The following GTF2F2 variants were observed in gnomAD, a reference collection of about 807,000 sequenced individuals.
GTF2F2 encodes ATP-dependent helicase GTF2F2.
Under a neutral mutation model 42.2 loss-of-function variants are expected in GTF2F2, and 23 were observed. That is an observed-to-expected ratio of 0.55 (90% CI 0.39 to 0.77). The LOEUF (loss-of-function observed/expected upper bound fraction) is 0.77, where lower values mean the gene tolerates loss of function less well. Among genes scored for constraint, GTF2F2 ranks in the 30% least tolerant of loss-of-function variants. GTF2F2 has a pLI of 0.00. For synonymous variants in GTF2F2, 105 were observed against 100.8 expected (o/e 1.04, Z -0.25); for missense variants, 261 against 287.2 (o/e 0.91, Z 0.66).
chr13:45,281,058 C>T (rs762338733), intron 7 of GTF2F2, among the ~76,000 whole-genome samples: 5 of 152,222 alleles, frequency 3.3e-5, no homozygotes, highest in Non-Finnish European at 7.3e-5. Context: ...AGTTTATGAA[C>T]AGTGTCCTGT....
intron 1 of GTF2F2, chr13:45,123,865 C>T (rs1868822997): frequency 3.2e-6 from 1 of 316,388 alleles, no homozygotes; most frequent in Admixed American, 4.5e-5. Context: ...GCTCCCTAGG[C>T]CCCTCCCTCT....
chr13:45,245,221 G>T (rs1396546741), intron 5 of GTF2F2, among the ~76,000 whole-genome samples: 1 of 152,162 alleles, frequency 6.6e-6, no homozygotes, highest in South Asian at 2.1e-4. Flanking sequence ...CAGTTTTACA[G>T]AGATGTAGTC....
At chr13:45,261,985 C>T (rs1364822775) in intron 6 of GTF2F2, among the ~76,000 whole-genome samples, 1 of 152,114 alleles carries the variant, frequency 6.6e-6, no homozygotes, top group Non-Finnish European at 1.5e-5. Flanking sequence ...TTATTTAAAT[C>T]CCCTTCGATA....
chr13:45,130,981 G>A (rs1013544852), intron 1 of GTF2F2, among the ~76,000 whole-genome samples: 63 of 152,262 alleles, frequency 4.1e-4, no homozygotes, highest in African/African-American at 1.4e-3. Context: ...GGCTGGGCAC[G>A]GTGGCCTATG....
rs998531408 is a variant in GTF2F2 at position 45,231,233 on chromosome 13, G to A, written c.387-21638G>A. Reference sequence around the variant, plus strand: ...AGCAATTCTTCTCCCTCAGCCTCCCGAGTAGCTGGGACTACAGGCGTATGC... The same window carrying A: ...AGCAATTCTTCTCCCTCAGCCTCCCAAGTAGCTGGGACTACAGGCGTATGC... On this transcript the variant is annotated intron_variant, in intron 5 of 7. Coordinates refer to ENST00000340473, the MANE Select transcript of GTF2F2 (RefSeq NM_004128.3). 8.6e-5 allele frequency among the ~76,000 whole-genome samples: 13 copies of A among 151,880 alleles called. No individual in the cohort carries two copies. In the East Asian group the frequency reaches 1.2e-3, roughly 14 times the overall value.
chr13:45,162,539 C>T (rs1000464963), intron 4 of GTF2F2, among the ~76,000 whole-genome samples: 1 of 152,222 alleles, frequency 6.6e-6, no homozygotes, highest in African/African-American at 2.4e-5. Context: ...TTACTGCCAA[C>T]TGCCTGAGCC....
chr13:45,133,006 G>T (rs1344585725), intron 1 of GTF2F2, among the ~76,000 whole-genome samples: 1 of 152,120 alleles, frequency 6.6e-6, no homozygotes, highest in Non-Finnish European at 1.5e-5. Context: ...TCCTTCAGCT[G>T]CTCAGGTGCA....
intron 7 of GTF2F2, among the ~76,000 whole-genome samples, chr13:45,277,442 A>G (rs1263866085): frequency 6.6e-6 from 1 of 152,194 alleles, no homozygotes; most frequent in Admixed American, 6.5e-5. Context: ...CTCACTCACT[A>G]TCTCGAGGAT....
chr13:45,247,388 G>GT (rs919778548), intron 5 of GTF2F2, among the ~76,000 whole-genome samples: 7 of 151,248 alleles, frequency 4.6e-5, no homozygotes, highest in South Asian at 2.1e-4. Context: ...CAGATACCTG[G>GT]TTTTTTTGTT....
chr13:45,170,180 C>T (rs1415195321), intron 4 of GTF2F2, among the ~76,000 whole-genome samples: 3 of 152,180 alleles, frequency 2.0e-5, no homozygotes, highest in Admixed American at 2.0e-4. Flanking sequence ...TATACCACCA[C>T]ACCCAGCTAA....
rs372901327 is a variant in GTF2F2, at chr13:45,228,283, C to CTTTTTTTTTTTTTTTTTTTTT, written c.386+20794_386+20795insTTTTTTTTTTTTTTTTTTTTT. On this transcript the variant is annotated intron_variant, in intron 5 of 7. Coordinates refer to ENST00000340473, the MANE Select transcript of GTF2F2 (RefSeq NM_004128.3). Reference sequence around the variant, plus strand: ...TTTCCTTATTGCTGCCAGAGTTAATCTTTTTTTTTTTTTTTTGGAGACGGA... The same window carrying CTTTTTTTTTTTTTTTTTTTTT: ...TTTCCTTATTGCTGCCAGAGTTAATCTTTTTTTTTTTTTTTTTTTTTTTTTTTTTTTTTTTTTGGAGACGGA... 4.2e-4 allele frequency among the ~76,000 whole-genome samples: 39 copies of CTTTTTTTTTTTTTTTTTTTTT among 92,708 alleles called. 4 individuals are homozygous for CTTTTTTTTTTTTTTTTTTTTT. The highest frequency in any genetic ancestry group is 1.4e-3 in the African/African-American group (24 of 17,632). 60.8% of individuals were successfully genotyped at this position (92,708 alleles called of 152,430 possible). A position where few individuals can be genotyped will look rare whatever the true frequency, so the allele number is the denominator to read the frequency against.
intron 4 of GTF2F2, among the ~76,000 whole-genome samples, chr13:45,188,466 T>C (rs542935430): frequency 6.6e-6 from 1 of 152,280 alleles, no homozygotes; most frequent in Admixed American, 6.5e-5. Flanking sequence ...AATGTAAATG[T>C]GCATTTTGGG....
At chr13:45,239,325 A>G (rs974181606) in intron 5 of GTF2F2, among the ~76,000 whole-genome samples, 1 of 152,256 alleles carries the variant, frequency 6.6e-6, no homozygotes, top group Admixed American at 6.5e-5. Flanking sequence ...AGATATTTAT[A>G]TTTTGGACTG....
chr13:45,264,316 C>G (rs928829605), intron 6 of GTF2F2, among the ~76,000 whole-genome samples: 1 of 150,708 alleles, frequency 6.6e-6, no homozygotes, highest in South Asian at 2.1e-4. Flanking sequence ...CAGAGTCACT[C>G]TGTTGCTGAG....
At chr13:45,127,798 AATTTTTGT>A (rs1869104969) in intron 1 of GTF2F2, among the ~76,000 whole-genome samples, 1 of 151,486 alleles carries the variant, frequency 6.6e-6, no homozygotes, top group Admixed American at 6.6e-5. Flanking sequence ...ACGCCCAGCT[AATTTTTGT>A]ATTTTTGGTA....
intron 4 of GTF2F2, chr13:45,192,835 A>G (rs1872714141): frequency 6.6e-6 from 1 of 152,180 alleles, no homozygotes; most frequent in Non-Finnish European, 1.5e-5. Context: ...TTGAAAAATG[A>G]ACAGATACTT....
intron 1 of GTF2F2, among the ~76,000 whole-genome samples, chr13:45,135,864 A>G (rs1319604374): frequency 6.6e-6 from 1 of 152,236 alleles, no homozygotes; most frequent in Non-Finnish European, 1.5e-5. Flanking sequence ...TTTACTCCTA[A>G]TAATAGGATA....
intron 4 of GTF2F2, among the ~76,000 whole-genome samples, chr13:45,171,770 A>G (rs1048110720): frequency 3.3e-5 from 5 of 151,172 alleles, no homozygotes; most frequent in Middle Eastern, 3.4e-3. Context: ...TCTCACCCCA[A>G]CCTCCCACGC....
intron 5 of GTF2F2, among the ~76,000 whole-genome samples, chr13:45,228,283 C>CCTTTTTTTTTTTTTTTTTTTTTTT (rs1874468398): frequency 1.1e-5 from 1 of 92,708 alleles, no homozygotes; most frequent in Non-Finnish European, 2.1e-5. Context: ...CAGAGTTAAT[C>CCTTTTTTTTTTTTTTTTTTTTTTT]TTTTTTTTTT....
Sources: gnomAD v4.1 joint callset for allele counts (sites outside exome capture counted in the v4.1 genomes callset) on GRCh38, gnomAD v4.1.1 for gene constraint, MANE v1.5 for transcripts, NCBI Gene and HGNC (gene_info 2026-07-23, HGNC 2026-07-21) for gene names.